Variants in GALNT13 observed in about 807,000 individuals in gnomAD.
The protein encoded by GALNT13 is UDP-GalNAc:polypeptide N-acetylgalactosaminyltransferase 13.
In GALNT13, 28 loss-of-function variants were observed where a neutral mutation model predicts 64.2. The ratio of observed to expected loss-of-function variants is 0.44; its 90% CI spans 0.32 to 0.60. The LOEUF (loss-of-function observed/expected upper bound fraction) is 0.60, where lower values mean the gene tolerates loss of function less well. Among genes scored for constraint, GALNT13 ranks in the 20% least tolerant of loss-of-function variants. The probability of loss-of-function intolerance (pLI) is 0.05; values close to 1 mark genes in which losing one functional copy is unlikely to be tolerated. For synonymous variants in GALNT13, 214 were observed against 224.6 expected (o/e 0.95, Z 0.42); for missense variants, 577 against 669.8 (o/e 0.86, Z 1.53).
At chr2:154,304,527 A>T (rs572921631) in intron 9 of GALNT13, among the ~76,000 whole-genome samples, 1 of 152,226 alleles carries the variant, frequency 6.6e-6, no homozygotes, top group Non-Finnish European at 1.5e-5. Context: ...CATGTATTAT[A>T]TTCATCCATG....
At chr2:153,133,798 G>A in the GALNT13 span, among the ~76,000 whole-genome samples, 13 of 152,218 alleles carry the variant, frequency 8.5e-5, no homozygotes, top group Admixed American at 1.3e-4. Context: ...CATGGCTTCC[G>A]TCTTCCCAAA....
the GALNT13 span, among the ~76,000 whole-genome samples, chr2:153,430,767 G>C: frequency 6.6e-6 from 1 of 151,722 alleles, no homozygotes; most frequent in Admixed American, 6.6e-5. Flanking sequence ...ATTTTATAAA[G>C]GAAATAAATT....
chr2:153,159,955 C>T, the GALNT13 span, among the ~76,000 whole-genome samples: 2 of 152,180 alleles, frequency 1.3e-5, no homozygotes, highest in African/African-American at 4.8e-5. Context: ...TGTTCTATGA[C>T]CACTTTTAAA....
the GALNT13 span, among the ~76,000 whole-genome samples, chr2:153,268,569 C>T: frequency 2.6e-5 from 4 of 152,140 alleles, no homozygotes; most frequent in African/African-American, 4.8e-5. Flanking sequence ...AAGTGGCCCT[C>T]TTTTTACAGT....
intron 3 of GALNT13, among the ~76,000 whole-genome samples, chr2:154,047,206 A>G (rs1699336640): frequency 6.6e-6 from 1 of 152,160 alleles, no homozygotes; most frequent in Non-Finnish European, 1.5e-5. Flanking sequence ...AGAAATTTTG[A>G]ATACATTTGC....
At chr2:154,343,075 G>T (rs1266767467) in intron 9 of GALNT13, among the ~76,000 whole-genome samples, 1 of 151,776 alleles carries the variant, frequency 6.6e-6, no homozygotes, top group East Asian at 1.9e-4. Context: ...TACAAACTTG[G>T]GTGGATCTGG....
At chr2:154,125,895 G>C (rs186171873) in intron 3 of GALNT13, among the ~76,000 whole-genome samples, 1 of 152,178 alleles carries the variant, frequency 6.6e-6, no homozygotes, top group African/African-American at 2.4e-5. Flanking sequence ...TATAAGAGTA[G>C]AATGCCTTCA....
chr2:154,220,534 A>T (rs1360864173), intron 4 of GALNT13, among the ~76,000 whole-genome samples: 1 of 152,120 alleles, frequency 6.6e-6, no homozygotes, highest in Non-Finnish European at 1.5e-5. Flanking sequence ...TTAAAAATAC[A>T]TGTGCACATA....
chr2:153,576,231 A>C, the GALNT13 span, among the ~76,000 whole-genome samples: 1 of 152,054 alleles, frequency 6.6e-6, no homozygotes, highest in Admixed American at 6.6e-5. Context: ...TTAGGGGAAG[A>C]GTGATGCTAA....
chr2:154,202,129 A>G lies in GALNT13; in HGVS notation c.312-39901A>G, dbSNP rs530253486. Reference sequence around the variant, plus strand: ...AAGGTTGCTCTCTGTCTAGCAGGGGAGAAAAATAACTATATTATAGAAGAA... The same window carrying G: ...AAGGTTGCTCTCTGTCTAGCAGGGGGGAAAAATAACTATATTATAGAAGAA... On this transcript the variant is annotated intron_variant, in intron 4 of 12. Coordinates refer to ENST00000392825, the MANE Select transcript of GALNT13 (RefSeq NM_052917.4). Among the ~76,000 whole-genome samples the G allele has an allele frequency of 1.5e-4, 23 of 152,188 alleles. 1 individual carries two copies. The South Asian group carries it at 4.8e-3, about 32-fold the overall frequency.
intron 3 of GALNT13, among the ~76,000 whole-genome samples, chr2:154,107,628 T>TATGA (rs1426423252): frequency 6.6e-6 from 1 of 151,816 alleles, no homozygotes; most frequent in Non-Finnish European, 1.5e-5. Flanking sequence ...TATACTCTCT[T>TATGA]ATGAATTTCC....
chr2:153,293,036 C>G, the GALNT13 span, among the ~76,000 whole-genome samples: 3 of 152,012 alleles, frequency 2.0e-5, no homozygotes, highest in Non-Finnish European at 4.4e-5. Flanking sequence ...CCTCTCTCTT[C>G]CAGGTGCTTG....
the GALNT13 span, among the ~76,000 whole-genome samples, chr2:153,624,439 G>A: frequency 6.6e-6 from 1 of 152,030 alleles, no homozygotes; most frequent in African/African-American, 2.4e-5. Flanking sequence ...TGTGACATAT[G>A]TCACATCCAA....
At chr2:153,924,692 C>T (rs10931834) in intron 2 of GALNT13, among the ~76,000 whole-genome samples, 117,568 of 152,126 alleles carry the variant, frequency 0.77, 45,845 homozygotes, top group East Asian at 0.96. Flanking sequence ...ATATAAGCGT[C>T]CCTTTTTCTC....
chr2:154,243,319 A>G (rs1689598013), intron 6 of GALNT13, among the ~76,000 whole-genome samples: 1 of 152,130 alleles, frequency 6.6e-6, no homozygotes. Context: ...TGCTCCTGTC[A>G]TTGGAAGTGC....
At chr2:153,970,935 C>T (rs1386046438) in intron 3 of GALNT13, among the ~76,000 whole-genome samples, 1 of 152,134 alleles carries the variant, frequency 6.6e-6, no homozygotes. Context: ...TGCTAGCTCC[C>T]CAATACTCAG....
At chr2:153,920,797 A>G (rs891259643) in intron 2 of GALNT13, among the ~76,000 whole-genome samples, 12 of 152,142 alleles carry the variant, frequency 7.9e-5, no homozygotes, top group Non-Finnish European at 1.5e-4. Context: ...AAAACAACCC[A>G]TTAAAAAGTG....
intron 3 of GALNT13, among the ~76,000 whole-genome samples, chr2:153,947,305 G>C (rs1691829028): frequency 6.6e-6 from 1 of 151,770 alleles, no homozygotes. Context: ...AAACATTTTT[G>C]TCTTTCTGTA....
chr2:153,185,996 C>A, the GALNT13 span, among the ~76,000 whole-genome samples: 1 of 151,856 alleles, frequency 6.6e-6, no homozygotes, highest in South Asian at 2.1e-4. Flanking sequence ...GAGCTGTGAT[C>A]AGGTCCTGAA....
Sources: gnomAD v4.1 joint callset for allele counts (sites outside exome capture counted in the v4.1 genomes callset) on GRCh38, gnomAD v4.1.1 for gene constraint, MANE v1.5 for transcripts, NCBI Gene and HGNC (gene_info 2026-07-23, HGNC 2026-07-21) for gene names.